The following AFF3 variants were observed in gnomAD, a reference collection of about 807,000 sequenced individuals.
The protein encoded by AFF3 is AF4/FMR2 family member 3.
AFF3 carries 32 observed loss-of-function variants against 129.7 expected under a neutral mutation model. The ratio of observed to expected loss-of-function variants is 0.25; its 90% CI spans 0.19 to 0.33. The LOEUF is 0.33. Ranked by LOEUF, AFF3 falls within the 10% of genes least tolerant of loss-of-function variation. AFF3 has a pLI of 1.00. For synonymous variants in AFF3, 644 were observed against 635.4 expected (o/e 1.01, Z -0.20); for missense variants, 1,373 against 1,592.0 (o/e 0.86, Z 2.34).
intron 4 of AFF3, among the ~76,000 whole-genome samples, chr2:100,030,368 C>G (rs1684395038): frequency 6.6e-6 from 1 of 151,930 alleles, no homozygotes; most frequent in South Asian, 2.1e-4. Flanking sequence ...GGCTAAAATC[C>G]AAAAAGCTAA....
At chr2:99,734,889 G>A (rs1013645508) in intron 10 of AFF3, among the ~76,000 whole-genome samples, 13 of 152,014 alleles carry the variant, frequency 8.6e-5, no homozygotes, top group African/African-American at 2.9e-4. Context: ...GATATAATGA[G>A]TTGAGAACTG....
At chr2:99,877,264 T>C (rs573217434) in intron 7 of AFF3, among the ~76,000 whole-genome samples, 1 of 152,234 alleles carries the variant, frequency 6.6e-6, no homozygotes, top group Non-Finnish European at 1.5e-5. Flanking sequence ...GTGAAGCCAC[T>C]GAGAAGTGGG....
At chr2:100,037,427 A>T (rs1259454782) in intron 4 of AFF3, among the ~76,000 whole-genome samples, 6 of 131,840 alleles carry the variant, frequency 4.6e-5, no homozygotes, top group African/African-American at 1.4e-4. Context: ...TTTATATATA[A>T]ATATATATTT....
intron 4 of AFF3, among the ~76,000 whole-genome samples, chr2:100,078,086 A>C (rs1474630517): frequency 6.6e-6 from 1 of 152,202 alleles, no homozygotes; most frequent in African/African-American, 2.4e-5. Flanking sequence ...TAAACTACAC[A>C]TATTTTGCAT....
intron 13 of AFF3, among the ~76,000 whole-genome samples, chr2:99,612,389 G>A (rs1681020401): frequency 6.6e-6 from 1 of 152,190 alleles, no homozygotes; most frequent in Non-Finnish European, 1.5e-5. Flanking sequence ...TTTAAAAACT[G>A]CTATTATGAG....
intron 4 of AFF3, among the ~76,000 whole-genome samples, chr2:100,016,020 AGTGGTG>A (rs79769916): frequency 3.2e-4 from 47 of 146,424 alleles, no homozygotes; most frequent in African/African-American, 1.2e-3. Flanking sequence ...GTGTTGTGGT[AGTGGTG>A]GTGGTGGTGG....
intron 13 of AFF3, among the ~76,000 whole-genome samples, chr2:99,623,379 A>C (rs967519532): frequency 6.6e-6 from 1 of 152,124 alleles, no homozygotes; most frequent in Non-Finnish European, 1.5e-5. Flanking sequence ...AAGGCATTTT[A>C]ATTTGCTACT....
rs76192834 is a variant in AFF3 at position 99,729,546 on chromosome 2, T to A, written c.1040-2418A>T. On this transcript the variant is annotated intron_variant, in intron 10 of 24. Coordinates refer to ENST00000672756, the MANE Select transcript of AFF3 (RefSeq NM_001386135.1). ...GATGGGATTAAAACTATTTTTGTCC[T>A]TCAGAAAGAATAAAACACAAAGCTT... Among the ~76,000 whole-genome samples the A allele has an allele frequency of 3.2e-3, 482 of 152,246 alleles. 5 individuals are homozygous for A. Among genetic ancestry groups the A allele is most frequent in the Non-Finnish European group, 5.1e-3 (344 of 68,022 alleles).
Position 100,011,620 on chromosome 2 carries a change from T to C in AFF3, c.54-2688A>G, listed in dbSNP as rs568335417. The C allele has an allele frequency of 2.7e-5, 21 of 779,540 alleles. No homozygotes were observed. In the East Asian group the frequency reaches 4.6e-4, roughly 17 times the overall value. The allele number at this position is 779,540 out of a possible 1,614,324, so 48.3% of individuals were successfully genotyped here. A position where few individuals can be genotyped will look rare whatever the true frequency, so the allele number is the denominator to read the frequency against. On this transcript the variant is annotated intron_variant, in intron 4 of 24. Transcript: ENST00000672756. ...AGAAGCTGAAACACTTTAAACCTGA[T>C]TAGCCTTGAGTATCTTAGCGTGCAT... is the stretch of plus-strand genomic sequence containing the variant.
At chr2:100,008,385 T>A (rs990667407) in intron 5 of AFF3, among the ~76,000 whole-genome samples, 2 of 152,240 alleles carry the variant, frequency 1.3e-5, no homozygotes, top group African/African-American at 4.8e-5. Flanking sequence ...TCTTAGACTT[T>A]CTTTCTCATT....
intron 11 of AFF3, among the ~76,000 whole-genome samples, chr2:99,696,668 CTTCT>C (rs944888731): frequency 1.3e-4 from 19 of 145,764 alleles, no homozygotes; most frequent in Non-Finnish European, 2.7e-4. Context: ...TTTTTTTTTT[CTTCT>C]TTGAGTCAGG....
intron 9 of AFF3, among the ~76,000 whole-genome samples, chr2:99,749,859 A>C (rs1464088055): frequency 1.3e-5 from 2 of 152,368 alleles, no homozygotes; most frequent in African/African-American, 4.8e-5. Context: ...CAGAATAGAC[A>C]GTCCGGAGAC....
intron 8 of AFF3, among the ~76,000 whole-genome samples, chr2:99,833,084 A>C (rs141346331): frequency 1.6e-3 from 239 of 152,306 alleles, no homozygotes; most frequent in African/African-American, 5.5e-3. Flanking sequence ...GAGAATGGCA[A>C]GTATGTTTTC....
chr2:100,039,748 C>A (rs1280322305), intron 4 of AFF3, among the ~76,000 whole-genome samples: 1 of 152,154 alleles, frequency 6.6e-6, no homozygotes, highest in Non-Finnish European at 1.5e-5. Flanking sequence ...CTTCTCCCCA[C>A]CACATCCCAC....
intron 2 of AFF3, among the ~76,000 whole-genome samples, chr2:100,107,870 G>A (rs1034407626): frequency 1.3e-5 from 2 of 152,174 alleles, no homozygotes; most frequent in African/African-American, 4.8e-5. Flanking sequence ...AGCCTTGCAT[G>A]GCTTTAATTC....
intron 7 of AFF3, among the ~76,000 whole-genome samples, chr2:99,905,976 A>C (rs111919901): frequency 0.012 from 1,827 of 152,272 alleles, 40 homozygotes; most frequent in African/African-American, 0.042. Flanking sequence ...GCACAATAAA[A>C]GAATATTAAA....
intron 17 of AFF3, among the ~76,000 whole-genome samples, chr2:99,580,630 C>A (rs1036843161): frequency 6.6e-6 from 1 of 152,208 alleles, no homozygotes. Context: ...CGCGGTGGCT[C>A]ATGCCTGTAA....
At chr2:99,729,899 C>T (rs1198635907) in intron 10 of AFF3, among the ~76,000 whole-genome samples, 1 of 151,540 alleles carries the variant, frequency 6.6e-6, no homozygotes, top group Non-Finnish European at 1.5e-5. Context: ...CTGCATTGGT[C>T]ATTAATAAGC....
chr2:100,005,849 G>A (rs1445030834), intron 7 of AFF3, among the ~76,000 whole-genome samples: 1 of 152,046 alleles, frequency 6.6e-6, no homozygotes, highest in African/African-American at 2.4e-5. Context: ...ATCAAATTAA[G>A]ATACAAAGAA....
Sources: gnomAD v4.1 joint callset for allele counts (sites outside exome capture counted in the v4.1 genomes callset) on GRCh38, gnomAD v4.1.1 for gene constraint, MANE v1.5 for transcripts, NCBI Gene and HGNC (gene_info 2026-07-23, HGNC 2026-07-21) for gene names.